Variants in ACSS3 observed in about 807,000 individuals in gnomAD.
ACSS3 encodes acyl-CoA synthetase short-chain family member 3, mitochondrial.
Under a neutral mutation model 84.2 loss-of-function variants are expected in ACSS3, and 64 were observed. That is an observed-to-expected ratio of 0.76 (90% CI 0.62 to 0.94). The LOEUF is 0.94. Among genes scored for constraint, ACSS3 ranks in the 40% least tolerant of loss-of-function variants. The pLI, the probability that ACSS3 is intolerant of heterozygous loss-of-function variation, is 0.00. For synonymous variants in ACSS3, 317 were observed against 310.1 expected, an observed-to-expected ratio of 1.02 and a Z score of -0.23; for missense variants, 815 against 867.6, an observed-to-expected ratio of 0.94 and a Z score of 0.76.
At chr12:81,169,030 A>C (rs1887533265) in intron 7 of ACSS3, among the ~76,000 whole-genome samples, 1 of 152,226 alleles carries the variant, frequency 6.6e-6, no homozygotes, top group Admixed American at 6.5e-5. Flanking sequence ...AATCAAGGCC[A>C]ATTGAATCAG....
intron 5 of ACSS3, among the ~76,000 whole-genome samples, chr12:81,148,926 G>T (rs1886479640): frequency 8.3e-6 from 1 of 120,984 alleles, no homozygotes; most frequent in African/African-American, 3.1e-5. Context: ...AAAAAAATTA[G>T]CTGAGCCTGG....
chr12:81,186,442 A>G (rs1266795596), intron 8 of ACSS3, among the ~76,000 whole-genome samples: 3 of 151,814 alleles, frequency 2.0e-5, no homozygotes, highest in African/African-American at 7.2e-5. Context: ...TGGGAAAGAT[A>G]TTCACAACTC....
chr12:81,135,407 A>C (rs1416948270), intron 3 of ACSS3, among the ~76,000 whole-genome samples: 1 of 139,286 alleles, frequency 7.2e-6, no homozygotes, highest in African/African-American at 2.8e-5. Flanking sequence ...ACTTAAATAC[A>C]TATAATAATA....
At chr12:81,166,135 T>C (rs892574083) in intron 7 of ACSS3, among the ~76,000 whole-genome samples, 2 of 152,078 alleles carry the variant, frequency 1.3e-5, no homozygotes, top group African/African-American at 2.4e-5. Flanking sequence ...AGAGGGACAA[T>C]TGGGAAGTCC....
intron 1 of ACSS3, 150 bp downstream of exon 1, chr12:81,078,581 A>C: frequency 1.1e-6 from 1 of 886,182 alleles, no homozygotes; most frequent in Non-Finnish European, 1.7e-6. Flanking sequence ...GTTTCATTTC[A>C]ATTTCATAGT....
chr12:81,156,080 A>G (rs774111716), intron 7 of ACSS3, among the ~76,000 whole-genome samples: 3 of 152,154 alleles, frequency 2.0e-5, no homozygotes, highest in African/African-American at 4.8e-5. Flanking sequence ...GTATTTTCAA[A>G]CTAAAAATTA....
intron 13 of ACSS3, among the ~76,000 whole-genome samples, chr12:81,241,827 G>A (rs1432473990): frequency 2.6e-5 from 4 of 152,068 alleles, no homozygotes; most frequent in African/African-American, 9.7e-5. Context: ...CTGTGCAGAA[G>A]CTCTTTAGTT....
intron 11 of ACSS3, among the ~76,000 whole-genome samples, chr12:81,225,259 A>G (rs538787823): frequency 4.0e-5 from 6 of 151,888 alleles, no homozygotes; most frequent in East Asian, 1.9e-4. Flanking sequence ...GGAATATTGT[A>G]TGTCTTCCTT....
intron 8 of ACSS3, among the ~76,000 whole-genome samples, chr12:81,189,076 C>G (rs1029604477): frequency 2.0e-5 from 3 of 152,090 alleles, no homozygotes; most frequent in African/African-American, 2.4e-5. Flanking sequence ...TACCCTCTCC[C>G]CCTCCAACCA....
At chr12:81,128,776 T>C (rs1188303921) in intron 2 of ACSS3, among the ~76,000 whole-genome samples, 1 of 152,184 alleles carries the variant, frequency 6.6e-6, no homozygotes, top group East Asian at 1.9e-4. Context: ...ATAAAAATAA[T>C]ACCTGTTTTC....
chr12:81,251,342 G>A (rs2034144620), intron 13 of ACSS3, among the ~76,000 whole-genome samples: 1 of 152,124 alleles, frequency 6.6e-6, no homozygotes, highest in African/African-American at 2.4e-5. Flanking sequence ...CATGTACAGA[G>A]TAGACCATAA....
intron 8 of ACSS3, among the ~76,000 whole-genome samples, chr12:81,198,623 T>C (rs1292091321): frequency 6.6e-6 from 1 of 151,604 alleles, no homozygotes; most frequent in Non-Finnish European, 1.5e-5. Context: ...ACACCCATGC[T>C]CTCAACGAAC....
intron 7 of ACSS3, among the ~76,000 whole-genome samples, chr12:81,159,878 A>G (rs528770257): frequency 6.6e-6 from 1 of 152,318 alleles, no homozygotes; most frequent in South Asian, 2.1e-4. Flanking sequence ...CCAGACTGTC[A>G]TCTGCAGAAT....
At chr12:81,213,840 T>TCTCTTCTCTC (rs1372554843) in intron 9 of ACSS3, among the ~76,000 whole-genome samples, 47 of 25,910 alleles carry the variant, frequency 1.8e-3, no homozygotes, top group South Asian at 2.8e-3. Context: ...TCTCTTCTCT[T>TCTCTTCTCTC]CTCTCCTCTC....
At chr12:81,119,852 G>A (rs10778790) in intron 2 of ACSS3, among the ~76,000 whole-genome samples, 80,574 of 152,050 alleles carry the variant, frequency 0.53, 21,736 homozygotes, top group East Asian at 0.68. Flanking sequence ...CTGAGGTGAT[G>A]TACATCCTCA....
chr12:81,199,270 T>A, intron 8 of ACSS3, 71 bp from the exon 9 acceptor site: 1 of 1,374,412 alleles, frequency 7.3e-7, no homozygotes, highest in Non-Finnish European at 1.0e-6. Context: ...TAACCAATGT[T>A]TTTAAAATGT....
intron 7 of ACSS3, among the ~76,000 whole-genome samples, chr12:81,154,101 C>T (rs906352810): frequency 6.6e-6 from 1 of 152,008 alleles, no homozygotes; most frequent in African/African-American, 2.4e-5. Flanking sequence ...CATTTTGTAC[C>T]ATTGTCTTTG....
intron 1 of ACSS3, among the ~76,000 whole-genome samples, chr12:81,098,776 T>C (rs1229021541): frequency 1.3e-5 from 2 of 152,228 alleles, no homozygotes; most frequent in Non-Finnish European, 2.9e-5. Context: ...GCCTTAACAT[T>C]GTACTACATT....
chr12:81,196,864 C>T (rs1301953453), intron 8 of ACSS3, among the ~76,000 whole-genome samples: 2 of 152,120 alleles, frequency 1.3e-5, no homozygotes, highest in East Asian at 3.9e-4. Context: ...ATGGGGAGGA[C>T]ATGAAGCCTT....
Sources: allele counts gnomAD v4.1 joint callset (sites outside exome capture counted in the v4.1 genomes callset), GRCh38; gene constraint gnomAD v4.1.1; transcripts MANE v1.5; gene names NCBI Gene and HGNC (gene_info 2026-07-23, HGNC 2026-07-21).